Variants in HELLS observed in about 807,000 individuals in gnomAD.
HELLS encodes the protein helicase, lymphoid specific.
HELLS carries 32 observed loss-of-function variants against 120.0 expected under a neutral mutation model. The ratio of observed to expected loss-of-function variants is 0.27; its 90% CI spans 0.20 to 0.36. The LOEUF is 0.36. Ranked by LOEUF, HELLS falls within the 10% of genes least tolerant of loss-of-function variation. The pLI, the probability that HELLS is intolerant of heterozygous loss-of-function variation, is 1.00. For synonymous variants in HELLS, 341 were observed against 323.4 expected, an observed-to-expected ratio of 1.05 and a Z score of -0.58; for missense variants, 650 against 993.4, an observed-to-expected ratio of 0.65 and a Z score of 4.65.
chr10:94,579,291 C>T (rs1844695180), intron 10 of HELLS, among the ~76,000 whole-genome samples: 2 of 149,658 alleles, frequency 1.3e-5, no homozygotes, highest in South Asian at 4.2e-4. Flanking sequence ...AGCTCCACCT[C>T]CCAGGTTCAC....
intron 2 of HELLS, among the ~76,000 whole-genome samples, chr10:94,551,567 A>C (rs112575546): frequency 0.026 from 3,898 of 152,058 alleles, 144 homozygotes; most frequent in African/African-American, 0.078. Context: ...ACTCCATCTC[A>C]AAAAAGAAAA....
chr10:94,588,934 G>A (rs1357476729), intron 13 of HELLS, among the ~76,000 whole-genome samples: 2 of 152,110 alleles, frequency 1.3e-5, no homozygotes, highest in African/African-American at 2.4e-5. Flanking sequence ...ATCACCTGAG[G>A]TCGGGAATTT....
At chr10:94,609,414 A>G (rs545851001) in intron 9 of HELLS, among the ~76,000 whole-genome samples, 6 of 152,334 alleles carry the variant, frequency 3.9e-5, no homozygotes, top group African/African-American at 1.4e-4. Context: ...ATTCACTTTC[A>G]TAATCCGTAT....
chr10:94,573,676 G>A (rs1003274012), intron 7 of HELLS, among the ~76,000 whole-genome samples: 3 of 151,742 alleles, frequency 2.0e-5, no homozygotes, highest in Non-Finnish European at 4.4e-5. Flanking sequence ...GTTGTCCAGG[G>A]TTGTCTTGGA....
At chr10:94,553,405 C>T (rs751393534) in intron 2 of HELLS, among the ~76,000 whole-genome samples, 5 of 151,978 alleles carry the variant, frequency 3.3e-5, no homozygotes, top group Admixed American at 1.3e-4. Flanking sequence ...TGCGCCACCA[C>T]GTCCTGCTAA....
rs11188019 is a variant in HELLS at position 94,554,203 on chromosome 10, A to G, written c.231A>G (p.Ile77Met). 4 of 1,578,806 alleles carry G rather than the reference A, an allele frequency of 2.5e-6. No individual in the cohort carries two copies. The highest frequency in any genetic ancestry group is 3.4e-6 in the Non-Finnish European group (4 of 1,167,828). ...AACATTTGCTTGAAAAAAGCAATAT[A>G]TACTCCAAATTTTTATTGACGAAAA... ...RLQHLLEKSN[I>M]YSKFLLTKME... The change falls in exon 3 of 22, where the codon ATA becomes ATG. Residue 77 changes from isoleucine (I) to methionine (M), a missense_variant. This residue lies in a region of HELLS where 9 missense variants were observed against 31.1 expected (regional missense o/e 0.29). Coordinates refer to ENST00000348459, the MANE Select transcript of HELLS (RefSeq NM_018063.5).
At chr10:94,566,245 C>G (rs1843791533) in intron 6 of HELLS, among the ~76,000 whole-genome samples, 1 of 152,046 alleles carries the variant, frequency 6.6e-6, no homozygotes, top group Admixed American at 6.5e-5. Flanking sequence ...GTTCCTGAAC[C>G]TTTTCATCTA....
intron 7 of HELLS, among the ~76,000 whole-genome samples, chr10:94,572,713 TACGTGGCAA>T (rs1451079648): frequency 2.0e-5 from 3 of 152,220 alleles, no homozygotes; most frequent in African/African-American, 7.2e-5. Flanking sequence ...ATTGTTGTGT[TACGTGGCAA>T]ATGTGTGTTC....
chr10:94,580,179 ACACACATTT>A (rs1844791278), intron 10 of HELLS, among the ~76,000 whole-genome samples: 4 of 115,528 alleles, frequency 3.5e-5, no homozygotes, highest in African/African-American at 6.6e-5. Context: ...ACACACACAC[ACACACATTT>A]TTTTTTTTTT....
intron 21 of HELLS, among the ~76,000 whole-genome samples, chr10:94,598,523 G>C (rs866802782): frequency 9.2e-5 from 14 of 151,468 alleles, no homozygotes; most frequent in African/African-American, 3.4e-4. Context: ...ACAGTGTCAT[G>C]ATATCTTATT....
At chr10:94,610,213 A>G (rs1340093261) in exon 10 of HELLS, 1 of 152,126 alleles carries the variant, frequency 6.6e-6, no homozygotes, top group African/African-American at 2.4e-5. Context: ...ACCACTATAT[A>G]ACAGCATGTT....
chr10:94,582,452 A>G (rs977722589), intron 11 of HELLS, among the ~76,000 whole-genome samples: 56 of 152,270 alleles, frequency 3.7e-4, no homozygotes, highest in Middle Eastern at 3.4e-3. Context: ...TACCTATTCT[A>G]TATTATTAAT....
intron 13 of HELLS, among the ~76,000 whole-genome samples, chr10:94,589,377 G>A (rs1229490926): frequency 6.6e-6 from 1 of 152,150 alleles, no homozygotes; most frequent in East Asian, 1.9e-4. Flanking sequence ...GAAACTGAAA[G>A]GAAATGCTTA....
chr10:94,581,741 A>C (rs1441889575), intron 11 of HELLS, among the ~76,000 whole-genome samples: 1 of 152,224 alleles, frequency 6.6e-6, no homozygotes, highest in East Asian at 1.9e-4. Flanking sequence ...GCTGAATGCA[A>C]CTTTAAGATA....
At chr10:94,558,890 C>A (rs1843404462) in intron 4 of HELLS, among the ~76,000 whole-genome samples, 2 of 152,120 alleles carry the variant, frequency 1.3e-5, no homozygotes, top group African/African-American at 4.8e-5. Flanking sequence ...CATGAGCCAC[C>A]ACGCCCAGCC....
chr10:94,558,848 A>G (rs1032644104), intron 4 of HELLS, among the ~76,000 whole-genome samples: 7 of 151,940 alleles, frequency 4.6e-5, no homozygotes, highest in Non-Finnish European at 8.8e-5. Flanking sequence ...TGATCTGCCC[A>G]CCTCGGCCTC....
chr10:94,565,325 ACT>A (rs999852117), intron 6 of HELLS, among the ~76,000 whole-genome samples: 6 of 151,606 alleles, frequency 4.0e-5, no homozygotes, highest in South Asian at 2.1e-4. Flanking sequence ...GCAGAGCAAG[ACT>A]CTGTCTCAAA....
intron 2 of HELLS, among the ~76,000 whole-genome samples, chr10:94,546,992 A>G (rs571253810): frequency 3.9e-5 from 6 of 152,288 alleles, no homozygotes; most frequent in Admixed American, 6.5e-5. Context: ...TAAGTGATCA[A>G]CTTGCTGTTT....
At chr10:94,604,434 G>A (rs1390448357), downstream of HELLS, among the ~76,000 whole-genome samples, 2 of 151,982 alleles carry the variant, frequency 1.3e-5, no homozygotes. Context: ...TTCTATAAAA[G>A]TCGTCATGTC....
Sources: gnomAD v4.1 joint callset for allele counts (sites outside exome capture counted in the v4.1 genomes callset) on GRCh38, gnomAD v4.1.1 for gene constraint, gnomAD v4.1.1 regional missense constraint, MANE v1.5 for transcripts, NCBI Gene and HGNC (gene_info 2026-07-23, HGNC 2026-07-21) for gene names.